SLC4A4: variants seen among roughly 807,000 people sequenced by gnomAD.
The protein encoded by SLC4A4 is electrogenic sodium bicarbonate cotransporter 1.
Under a neutral mutation model 111.5 loss-of-function variants are expected in SLC4A4, and 27 were observed. That is an observed-to-expected ratio of 0.24 (90% CI 0.18 to 0.33). The LOEUF is 0.33. Among genes scored for constraint, SLC4A4 ranks in the 10% least tolerant of loss-of-function variants. The pLI, the probability that SLC4A4 is intolerant of heterozygous loss-of-function variation, is 1.00. For synonymous variants in SLC4A4, 443 were observed against 463.4 expected (o/e 0.96, Z 0.57); for missense variants, 909 against 1,315.5 (o/e 0.69, Z 4.78).
intron 2 of SLC4A4, among the ~76,000 whole-genome samples, chr4:71,135,878 T>G (rs1209802874): frequency 6.6e-6 from 1 of 152,196 alleles, no homozygotes; most frequent in African/African-American, 2.4e-5. Context: ...GAAGAATACT[T>G]GTACTCTTTG....
At chr4:71,462,002 A>G (rs1359561582) in intron 12 of SLC4A4, among the ~76,000 whole-genome samples, 1 of 152,156 alleles carries the variant, frequency 6.6e-6, no homozygotes, top group Non-Finnish European at 1.5e-5. Flanking sequence ...AGACCTAAAG[A>G]GGCTTTTTTT....
chr4:71,492,320 C>G (rs902488395), intron 15 of SLC4A4, among the ~76,000 whole-genome samples: 1 of 151,844 alleles, frequency 6.6e-6, no homozygotes, highest in Non-Finnish European at 1.5e-5. Context: ...AGGGAGGATA[C>G]TGTGGTCTTT....
At chr4:71,263,336 G>T (rs1462384159) in intron 3 of SLC4A4, among the ~76,000 whole-genome samples, 4 of 152,068 alleles carry the variant, frequency 2.6e-5, no homozygotes, top group Non-Finnish European at 5.9e-5. Flanking sequence ...CACACAATCT[G>T]ATACTTAGAT....
chr4:71,180,509 AAAAC>A (rs1331502071), intron 2 of SLC4A4, among the ~76,000 whole-genome samples: 5 of 152,232 alleles, frequency 3.3e-5, no homozygotes, highest in African/African-American at 7.2e-5. Context: ...TTACAAGAAA[AAAAC>A]AAACAACCCC....
intron 7 of SLC4A4, among the ~76,000 whole-genome samples, chr4:71,420,491 C>T (rs1722342474): frequency 6.6e-6 from 1 of 151,868 alleles, no homozygotes; most frequent in Non-Finnish European, 1.5e-5. Flanking sequence ...GAGAACGCCA[C>T]AAAGATACTC....
In SLC4A4 at chr4:71,311,888, T is replaced by TGCGAGAGAGAGA. The variant is rs1491510042; in HGVS notation, c.254-27481_254-27480insCGAGAGAGAGAG. Among the ~76,000 whole-genome samples, 2 of 31,566 alleles carry TGCGAGAGAGAGA rather than the reference T, an allele frequency of 6.3e-5. 1 individual carries two copies. The highest frequency in any genetic ancestry group is 1.6e-3 in the South Asian group (2 of 1,276). 20.7% of individuals were successfully genotyped at this position (31,566 alleles called of 152,430 possible). Reference sequence around the variant, plus strand: ...AGGAGCCTGAGCAAATGTGCAAGGCTGTGAGAGAGAGAGAGAGAGAGAGAG... The same window carrying TGCGAGAGAGAGA: ...AGGAGCCTGAGCAAATGTGCAAGGCTGCGAGAGAGAGAGTGAGAGAGAGAGAGAGAGAGAGAG... On this transcript the variant is annotated intron_variant, in intron 3 of 25. Transcript: ENST00000264485.
intron 6 of SLC4A4, among the ~76,000 whole-genome samples, chr4:71,393,803 A>G (rs1334279462): frequency 6.6e-6 from 1 of 152,234 alleles, no homozygotes. Flanking sequence ...TGATACTGTT[A>G]TAAAAATAGG....
intron 2 of SLC4A4, among the ~76,000 whole-genome samples, chr4:71,170,156 C>G (rs1342154312): frequency 6.6e-6 from 1 of 152,176 alleles, no homozygotes; most frequent in Non-Finnish European, 1.5e-5. Flanking sequence ...TTACTCTCTC[C>G]TTTATCATCC....
chr4:71,564,860 A>T (rs1271233019), intron 24 of SLC4A4, among the ~76,000 whole-genome samples: 1 of 151,922 alleles, frequency 6.6e-6, no homozygotes, highest in Non-Finnish European at 1.5e-5. Flanking sequence ...AATAAAACTC[A>T]GCAGCTTAAA....
chr4:71,236,854 T>A (rs529288342), intron 2 of SLC4A4, among the ~76,000 whole-genome samples: 2 of 152,338 alleles, frequency 1.3e-5, no homozygotes, highest in South Asian at 4.1e-4. Flanking sequence ...TCAATATGGG[T>A]CTTGCCTGGT....
intron 14 of SLC4A4, 129 bp downstream of exon 14, chr4:71,473,099 T>A (rs749387756): frequency 9.5e-7 from 1 of 1,055,334 alleles, no homozygotes; most frequent in African/African-American, 1.6e-5. Flanking sequence ...TCTGAAAAAC[T>A]CTGCTACTGA....
chr4:71,180,510 A>T (rs1212968039), intron 2 of SLC4A4, among the ~76,000 whole-genome samples: 1 of 152,220 alleles, frequency 6.6e-6, no homozygotes, highest in Non-Finnish European at 1.5e-5. Context: ...TACAAGAAAA[A>T]AACAAACAAC....
At chr4:71,150,018 T>A (rs1240528381) in intron 2 of SLC4A4, among the ~76,000 whole-genome samples, 1 of 152,168 alleles carries the variant, frequency 6.6e-6, no homozygotes, top group African/African-American at 2.4e-5. Context: ...GATTAGGTTT[T>A]TTATATACAT....
At chr4:71,364,361 T>A (rs1731056957) in intron 6 of SLC4A4, among the ~76,000 whole-genome samples, 1 of 152,222 alleles carries the variant, frequency 6.6e-6, no homozygotes, top group Admixed American at 6.5e-5. Context: ...GAGATACCTT[T>A]GTGAAAATTA....
intron 3 of SLC4A4, among the ~76,000 whole-genome samples, chr4:71,317,506 G>C (rs1191617394): frequency 6.6e-6 from 1 of 152,066 alleles, no homozygotes; most frequent in African/African-American, 2.4e-5. Context: ...CTTAGTGTAG[G>C]AAAAGTTTAA....
chr4:71,299,702 G>A (rs1236837876), intron 3 of SLC4A4, among the ~76,000 whole-genome samples: 1 of 152,146 alleles, frequency 6.6e-6, no homozygotes, highest in Non-Finnish European at 1.5e-5. Flanking sequence ...TCTAGGCATT[G>A]CTGGAACTGA....
At position 71,440,862 on chromosome 4, in the gene SLC4A4, A is replaced by G. The variant is rs1263366178; in HGVS notation, c.965+89A>G. On this transcript the variant is annotated intron_variant, in intron 8 of 25. Coordinates refer to ENST00000264485, the MANE Select transcript of SLC4A4 (RefSeq NM_001098484.3). The stretch of plus-strand genomic sequence containing the variant: ...TGGAGAATCAATAGAATGAGGAAAT[A>G]TTTAGTGCAAACACATTGGAGAGGT... The G allele has an allele frequency of 2.1e-6, 3 of 1,429,178 alleles. No individual in the cohort carries two copies. The East Asian group carries it at 6.8e-5, about 33-fold the overall frequency. 88.5% of individuals were successfully genotyped at this position (1,429,178 alleles called of 1,614,324 possible).
At chr4:71,430,464 T>C (rs1723535316) in intron 7 of SLC4A4, among the ~76,000 whole-genome samples, 1 of 152,186 alleles carries the variant, frequency 6.6e-6, no homozygotes, top group South Asian at 2.1e-4. Context: ...AAATCTGTAG[T>C]ACAGACAGTT....
intron 6 of SLC4A4, among the ~76,000 whole-genome samples, chr4:71,373,114 G>T (rs1191488037): frequency 5.9e-5 from 9 of 152,008 alleles, no homozygotes; most frequent in Admixed American, 5.9e-4. Flanking sequence ...TTAGGAAAAT[G>T]GTGAACCCAG....
Sources: allele counts gnomAD v4.1 joint callset (sites outside exome capture counted in the v4.1 genomes callset), GRCh38; gene constraint gnomAD v4.1.1; transcripts MANE v1.5; gene names NCBI Gene and HGNC (gene_info 2026-07-23, HGNC 2026-07-21).